The following STAU2 variants were observed in gnomAD, a reference collection of about 807,000 sequenced individuals.
STAU2 encodes the protein double-stranded RNA-binding protein Staufen homolog 2.
Under a neutral mutation model 65.9 loss-of-function variants are expected in STAU2, and 20 were observed. The ratio of observed to expected loss-of-function variants is 0.30; its 90% CI spans 0.21 to 0.44. STAU2 has a LOEUF of 0.44. Among genes scored for constraint, STAU2 ranks in the 20% least tolerant of loss-of-function variants. The probability of loss-of-function intolerance (pLI) is 1.00; values close to 1 mark genes in which losing one functional copy is unlikely to be tolerated. For missense variants in STAU2, 558 were observed against 683.9 expected, an observed-to-expected ratio of 0.82 and a Z score of 2.05; for synonymous variants, 232 against 233.9, an observed-to-expected ratio of 0.99 and a Z score of 0.07.
At chr8:73,471,522 TAA>T (rs373805321) in intron 13 of STAU2, among the ~76,000 whole-genome samples, 2 of 136,296 alleles carry the variant, frequency 1.5e-5, no homozygotes, top group Non-Finnish European at 3.1e-5. Context: ...CTTCTGTAAT[TAA>T]AAAAAAAAAA....
At chr8:73,430,263 C>T (rs183351983) in intron 13 of STAU2, among the ~76,000 whole-genome samples, 4 of 152,198 alleles carry the variant, frequency 2.6e-5, no homozygotes, top group African/African-American at 9.6e-5. Context: ...AAAGGTGAAG[C>T]GAATAAAAAT....
intron 13 of STAU2, among the ~76,000 whole-genome samples, chr8:73,472,186 G>A (rs1406390109): frequency 1.3e-5 from 2 of 152,188 alleles, no homozygotes; most frequent in Non-Finnish European, 2.9e-5. Flanking sequence ...GATGTGCTAA[G>A]AAGAGATGAC....
intron 3 of STAU2, among the ~76,000 whole-genome samples, chr8:73,737,574 TTTTTTG>T (rs1440832283): frequency 2.0e-5 from 3 of 151,686 alleles, no homozygotes; most frequent in Non-Finnish European, 4.4e-5. Context: ...CCTTTTTTTT[TTTTTTG>T]TTTTTAAGAG....
intron 4 of STAU2, among the ~76,000 whole-genome samples, chr8:73,705,978 C>T (rs773218894): frequency 4.6e-5 from 7 of 152,196 alleles, no homozygotes; most frequent in East Asian, 1.9e-4. Flanking sequence ...ATTAAATTAA[C>T]GGGATGAGAC....
intron 13 of STAU2, among the ~76,000 whole-genome samples, chr8:73,460,240 C>T (rs1349937535): frequency 3.3e-5 from 5 of 152,126 alleles, no homozygotes; most frequent in Non-Finnish European, 4.4e-5. Flanking sequence ...TTTAATCAAA[C>T]AAAAACTAGA....
intron 11 of STAU2, among the ~76,000 whole-genome samples, chr8:73,588,080 T>C (rs936953747): frequency 1.3e-5 from 2 of 151,462 alleles, no homozygotes; most frequent in African/African-American, 4.9e-5. Context: ...AAAAAAGAGG[T>C]GAAGAGAGTA....
intron 5 of STAU2, among the ~76,000 whole-genome samples, chr8:73,688,027 T>C (rs12678536): frequency 0.2 from 30,521 of 149,908 alleles, 3,404 homozygotes; most frequent in East Asian, 0.37. Flanking sequence ...TATCTTTACT[T>C]TAAAAAAAAA....
intron 9 of STAU2, among the ~76,000 whole-genome samples, chr8:73,604,823 T>G (rs1296865014): frequency 6.6e-6 from 1 of 152,088 alleles, no homozygotes; most frequent in Non-Finnish European, 1.5e-5. Context: ...TATAAAACAC[T>G]GGGAGTACTA....
chr8:73,716,585 T>C (rs1821267142), intron 3 of STAU2, among the ~76,000 whole-genome samples: 1 of 152,220 alleles, frequency 6.6e-6, no homozygotes, highest in South Asian at 2.1e-4. Context: ...TCTTCTTAAC[T>C]TCAGTCATTC....
intron 13 of STAU2, among the ~76,000 whole-genome samples, chr8:73,507,624 A>G (rs1239245353): frequency 6.6e-6 from 1 of 152,202 alleles, no homozygotes; most frequent in African/African-American, 2.4e-5. Context: ...TGAAGTCATC[A>G]GGTGCCTTCA....
intron 13 of STAU2, among the ~76,000 whole-genome samples, chr8:73,472,960 C>T (rs141094866): frequency 6.6e-5 from 10 of 152,254 alleles, no homozygotes; most frequent in African/African-American, 2.4e-4. Flanking sequence ...GGGGAAATGA[C>T]TCAGCAGCAA....
intron 6 of STAU2, among the ~76,000 whole-genome samples, chr8:73,629,918 T>A (rs1229876922): frequency 6.6e-6 from 1 of 152,116 alleles, no homozygotes; most frequent in Non-Finnish European, 1.5e-5. Context: ...CACACTTGGC[T>A]AATTTTTTTT....
chr8:73,475,528 T>C (rs963074634), intron 13 of STAU2, among the ~76,000 whole-genome samples: 5 of 152,202 alleles, frequency 3.3e-5, no homozygotes, highest in Admixed American at 1.3e-4. Flanking sequence ...TTTAGTAATA[T>C]GGATTTTGTT....
At chr8:73,573,422 C>T (rs1809262577) in intron 12 of STAU2, among the ~76,000 whole-genome samples, 1 of 152,108 alleles carries the variant, frequency 6.6e-6, no homozygotes, top group African/African-American at 2.4e-5. Flanking sequence ...CATATGGAAC[C>T]AAAAAAGAGC....
At chr8:73,506,163 C>T (rs562188429) in intron 13 of STAU2, among the ~76,000 whole-genome samples, 79 of 152,288 alleles carry the variant, frequency 5.2e-4, no homozygotes, top group African/African-American at 1.8e-3. Flanking sequence ...TGGGCTAACA[C>T]GTGTTCCATT....
rs13268908 is a variant in STAU2, at chr8:73,654,788, G to A, written c.410+18319C>T. Among the ~76,000 whole-genome samples the A allele has an allele frequency of 4.8e-3, 636 of 133,000 alleles. 2 individuals are homozygous for A. Among genetic ancestry groups the A allele is most frequent in the Middle Eastern group, 9.3e-3 (2 of 216 alleles). 87.3% of individuals were successfully genotyped at this position (133,000 alleles called of 152,430 possible). ...TGCAAGCTCCGCCTCCCGGGTTCAC[G>A]CCATTCTCCTGCCTCAGCCTCCTGT... is the stretch of plus-strand genomic sequence containing the variant. On this transcript the variant is annotated intron_variant, in intron 6 of 14. Transcript: ENST00000524300.
rs1379110313 is a variant in STAU2 at position 73,573,469 on chromosome 8, A to C, written c.1222+9301T>G. Among the ~76,000 whole-genome samples, 4 of 152,250 alleles carry C rather than the reference A, an allele frequency of 2.6e-5. No homozygotes were observed. In the East Asian group the frequency reaches 7.7e-4, roughly 29 times the overall value. ...AGTCAATCCTAAGCCAAAAGAACAA[A>C]GCTGGAGGCATCATGCTACCTGACT... is the stretch of plus-strand genomic sequence containing the variant. On this transcript the variant is annotated intron_variant, in intron 12 of 14. Coordinates refer to ENST00000524300, the MANE Select transcript of STAU2 (RefSeq NM_001164380.2).
intron 13 of STAU2, among the ~76,000 whole-genome samples, chr8:73,428,975 G>A (rs1817049213): frequency 6.6e-6 from 1 of 152,182 alleles, no homozygotes; most frequent in African/African-American, 2.4e-5. Flanking sequence ...ATGGCGGCGT[G>A]CTCTCTCACT....
intron 11 of STAU2, among the ~76,000 whole-genome samples, chr8:73,594,039 C>T (rs1811007588): frequency 6.6e-6 from 1 of 152,132 alleles, no homozygotes; most frequent in Non-Finnish European, 1.5e-5. Flanking sequence ...AAATACATGT[C>T]TGTGAGGAGA....
Sources: gnomAD v4.1 joint callset for allele counts (sites outside exome capture counted in the v4.1 genomes callset) on GRCh38, gnomAD v4.1.1 for gene constraint, MANE v1.5 for transcripts, NCBI Gene and HGNC (gene_info 2026-07-23, HGNC 2026-07-21) for gene names.